Variants in MICAL2 observed in about 807,000 individuals in gnomAD.
MICAL2 encodes [F-actin]-monooxygenase MICAL2.
A neutral mutation model predicts 127.3 loss-of-function variants in MICAL2; 77 were observed. The observed-to-expected ratio is 0.60, with a 90% CI of 0.50 to 0.73. MICAL2 has a LOEUF of 0.73. Among genes scored for constraint, MICAL2 ranks in the 30% least tolerant of loss-of-function variants. MICAL2 has a pLI of 0.00. For synonymous variants in MICAL2, 570 were observed against 551.1 expected (o/e 1.03, Z -0.48); for missense variants, 1,351 against 1,434.4 (o/e 0.94, Z 0.94).
At chr11:12,247,008 A>G (rs1860847509) in intron 21 of MICAL2, among the ~76,000 whole-genome samples, 1 of 152,116 alleles carries the variant, frequency 6.6e-6, no homozygotes, top group Non-Finnish European at 1.5e-5. Context: ...GCAATTTTAA[A>G]TGGAGTGGTT....
At chr11:12,120,359 A>G (rs557590761) in intron 1 of MICAL2, among the ~76,000 whole-genome samples, 173 of 152,272 alleles carry the variant, frequency 1.1e-3, no homozygotes, top group African/African-American at 4.0e-3. Context: ...ATCCTGAGAG[A>G]TGGCAAATAG....
At chr11:12,225,512 GTC>G (rs1243817355) in intron 13 of MICAL2, 2 of 151,836 alleles carry the variant, frequency 1.3e-5, no homozygotes, top group African/African-American at 4.8e-5. Context: ...TTAAGCTGGA[GTC>G]TCTTGCTCTG....
At chr11:12,270,793 A>G (rs1254216823) in intron 24 of MICAL2, among the ~76,000 whole-genome samples, 1 of 152,180 alleles carries the variant, frequency 6.6e-6, no homozygotes, top group Non-Finnish European at 1.5e-5. Flanking sequence ...TAACTCCTCC[A>G]AGCTTTGGTT....
chr11:12,125,949 G>A (rs370915998), intron 1 of MICAL2, among the ~76,000 whole-genome samples: 1 of 152,168 alleles, frequency 6.6e-6, no homozygotes, highest in East Asian at 1.9e-4. Context: ...TGGAGTGAGT[G>A]ACTCACCTGC....
At chr11:12,349,153 C>A (rs1458713799) in intron 32 of MICAL2, among the ~76,000 whole-genome samples, 2 of 152,114 alleles carry the variant, frequency 1.3e-5, no homozygotes, top group Non-Finnish European at 2.9e-5. Flanking sequence ...ATTTTAGTAC[C>A]TAGATATTTA....
Position 12,241,067 on chromosome 11 carries a change from C to T in MICAL2, c.2242C>T (p.Pro748Ser). The T allele has an allele frequency of 1.9e-6, 3 of 1,614,138 alleles. No individual in the cohort carries two copies. Among genetic ancestry groups the T allele is most frequent in the Non-Finnish European group, 2.5e-6 (3 of 1,180,026 alleles). Residue 748 changes from proline to serine, a missense_variant, in exon 18 of 28, where the codon CCG (proline) becomes TCG (serine). Transcript: ENST00000683283. ...QERRVSGIGK[P>S]VLCSSSGPPV... Reference sequence around the variant, plus strand: ...ACGCCGTGTCTCAGGGATAGGTAAGCCGGTCCTGTGCTCTTCCTCCGGCCC... The same window carrying T: ...ACGCCGTGTCTCAGGGATAGGTAAGTCGGTCCTGTGCTCTTCCTCCGGCCC...
rs56834315 is a variant in MICAL2, at chr11:12,162,410, G to T, written c.255G>T (p.Thr85=). 3.7e-6 allele frequency: 6 copies of T among 1,614,164 alleles called. No homozygotes were observed. The highest frequency in any genetic ancestry group is 3.3e-4 in the Middle Eastern group (2 of 6,062). Reference sequence around the variant, plus strand: ...AGTATAAGCGAGGGAAGTCGTGCACGAACACCAAGGTAAGGGGAAACCCTC... The same window carrying T: ...AGTATAAGCGAGGGAAGTCGTGCACTAACACCAAGGTAAGGGGAAACCCTC... ...HKEYKRGKSC[T]NTKCLIVGGG... is the part of the protein sequence containing the mutation. The change falls in exon 3 of 28, where the codon ACG becomes ACT. Residue 85 remains threonine, a synonymous_variant. Coordinates refer to ENST00000683283, the MANE Select transcript of MICAL2 (RefSeq NM_001282663.2).
rs557429768 is a variant in MICAL2, at chr11:12,243,004, T to A, written c.2658+232T>A. On this transcript the variant is annotated intron_variant, in intron 20 of 27. Transcript: ENST00000683283. ...GAAAGGAAAAACTAAGACAGGAAAG[T>A]AAACACAGATCGAGAAAGGCATTAC... The A allele has an allele frequency of 3.7e-4, 148 of 405,026 alleles. 1 individual carries two copies. Among genetic ancestry groups the A allele is most frequent in the African/African-American group, 3.0e-3 (140 of 46,998 alleles). 25.1% of individuals were successfully genotyped at this position (405,026 alleles called of 1,614,324 possible).
chr11:12,115,402 G>A (rs987317788), intron 1 of MICAL2, among the ~76,000 whole-genome samples: 24 of 152,286 alleles, frequency 1.6e-4, no homozygotes, highest in Non-Finnish European at 2.2e-4. Context: ...CCTTCCCTGC[G>A]AACAGCCCTC....
At chr11:12,290,512 G>A (rs1243849506), downstream of MICAL2, among the ~76,000 whole-genome samples, 1 of 141,702 alleles carries the variant, frequency 7.1e-6, no homozygotes, top group Non-Finnish European at 1.5e-5. Context: ...AGGAAGGGAA[G>A]AAGGAATTTG....
At chr11:12,118,861 G>T (rs1201020031) in intron 1 of MICAL2, among the ~76,000 whole-genome samples, 1 of 152,282 alleles carries the variant, frequency 6.6e-6, no homozygotes, top group African/African-American at 2.4e-5. Flanking sequence ...CAGGGTTTTT[G>T]TTGTTGTTGT....
rs776782470 is a variant in MICAL2, at chr11:12,162,167, C to T, written c.12C>T (p.Asn4=). Residue 4 remains asparagine, a synonymous_variant, in exon 3 of 28, where the codon AAC becomes AAT. Transcript: ENST00000683283. ...ACGACTCCTGAACCATGGGGGAAAA[C>T]GAGGATGAGAAGCAGGCCCAGGCGG... is the stretch of plus-strand genomic sequence containing the variant. The part of the protein sequence containing the change: MGE[N]EDEKQAQAGQ... 9.9e-6 allele frequency: 16 copies of T among 1,614,034 alleles called. No individual in the cohort carries two copies. Among genetic ancestry groups the T allele is most frequent in the African/African-American group, 6.7e-5 (5 of 74,914 alleles).
chr11:12,318,192 A>G (rs1864252052), intron 29 of MICAL2, among the ~76,000 whole-genome samples: 1 of 152,174 alleles, frequency 6.6e-6, no homozygotes, highest in Non-Finnish European at 1.5e-5. Flanking sequence ...TTCCACAACA[A>G]TTCTGCAAGT....
At chr11:12,357,746 G>A (rs1439855247) in intron 34 of MICAL2, among the ~76,000 whole-genome samples, 6 of 152,248 alleles carry the variant, frequency 3.9e-5, no homozygotes, top group South Asian at 2.1e-4. Context: ...GCTGAGGCAG[G>A]AGAATCACAT....
chr11:12,120,645 A>G, intron 1 of MICAL2, among the ~76,000 whole-genome samples: 1 of 152,238 alleles, frequency 6.6e-6, no homozygotes, highest in East Asian at 1.9e-4. Flanking sequence ...TTCCATAGGC[A>G]GAGATGGGCA....
At chr11:12,125,003 C>T (rs1321090019) in intron 1 of MICAL2, among the ~76,000 whole-genome samples, 9 of 152,262 alleles carry the variant, frequency 5.9e-5, no homozygotes, top group Admixed American at 5.9e-4. Flanking sequence ...TCTATGGACA[C>T]ATCCTCTCTC....
At position 12,259,837 on chromosome 11, in the gene MICAL2, A is replaced by C. The variant is rs772940944; in HGVS notation, c.3274A>C (p.Thr1092Pro). 1 of 1,593,300 alleles carries C rather than the reference A, an allele frequency of 6.3e-7. No homozygotes were observed. ...WQEQEAPRRD[T>P]PTESSCAVAA... Reference sequence around the variant, plus strand: ...AGAGCAGGAAGCCCCTCGGAGAGACACTCCCACCGAAAGTTCTTGCGCAGT... The same window carrying C: ...AGAGCAGGAAGCCCCTCGGAGAGACCCTCCCACCGAAAGTTCTTGCGCAGT... The change falls in exon 26 of 28, where the codon ACT becomes CCT. Residue 1092 changes from threonine (T) to proline (P), a missense_variant. Around this residue, in one of 2 missense-constraint regions of MICAL2, gnomAD observed 752 missense variants for 719.4 expected, o/e 1.05. Transcript: ENST00000683283.
chr11:12,147,782 G>T, intron 2 of MICAL2, among the ~76,000 whole-genome samples: 1 of 152,220 alleles, frequency 6.6e-6, no homozygotes. Flanking sequence ...GAATGGAATT[G>T]AATGTGGCTA....
chr11:12,237,581 TC>T (rs1165417876), intron 16 of MICAL2, among the ~76,000 whole-genome samples: 2 of 152,222 alleles, frequency 1.3e-5, no homozygotes, highest in African/African-American at 4.8e-5. Flanking sequence ...GAGTGTTGTT[TC>T]TGTTATTGGC....
Sources: allele counts gnomAD v4.1 joint callset (sites outside exome capture counted in the v4.1 genomes callset), GRCh38; gene constraint gnomAD v4.1.1; regional missense constraint gnomAD v4.1.1; transcripts MANE v1.5; gene names NCBI Gene and HGNC (gene_info 2026-07-23, HGNC 2026-07-21).